Variants in SLC25A48 observed in about 807,000 individuals in gnomAD.
SLC25A48 encodes the protein CTC-321K16.1.
In SLC25A48, 29 loss-of-function variants were observed where a neutral mutation model predicts 32.2. That is an observed-to-expected ratio of 0.90 (90% CI 0.67 to 1.23). The LOEUF is 1.23. SLC25A48 is among the 50% of genes most tolerant of loss of function. The pLI, the probability that SLC25A48 is intolerant of heterozygous loss-of-function variation, is 0.00. For missense variants in SLC25A48, 399 were observed against 422.7 expected, an observed-to-expected ratio of 0.94 and a Z score of 0.49; for synonymous variants, 164 against 172.3, an observed-to-expected ratio of 0.95 and a Z score of 0.38.
intron 1 of SLC25A48, among the ~76,000 whole-genome samples, chr5:135,835,701 A>AAAAAAG (rs1228019655): frequency 2.0e-5 from 3 of 151,744 alleles, no homozygotes; most frequent in African/African-American, 7.3e-5. Flanking sequence ...AAAAAAAAAA[A>AAAAAAG]AAAGTCTTTC....
intron 3 of SLC25A48, among the ~76,000 whole-genome samples, chr5:135,706,168 A>G (rs531859335): frequency 6.6e-6 from 1 of 152,106 alleles, no homozygotes; most frequent in African/African-American, 2.4e-5. Flanking sequence ...TCTCCTGGCC[A>G]CTTCCTCCAA....
intron 1 of SLC25A48, among the ~76,000 whole-genome samples, chr5:135,591,316 G>T (rs1751521879): frequency 6.6e-6 from 1 of 152,258 alleles, no homozygotes; most frequent in African/African-American, 2.4e-5. Context: ...GCACAGAAGT[G>T]TGGCGCATTT....
At chr5:135,711,337 A>C (rs1754658071) in intron 3 of SLC25A48, among the ~76,000 whole-genome samples, 1 of 152,218 alleles carries the variant, frequency 6.6e-6, no homozygotes, top group South Asian at 2.1e-4. Flanking sequence ...CAACCAAGGC[A>C]CAAGAGGTGT....
At chr5:135,665,913 C>G (rs1561781740) in intron 3 of SLC25A48, among the ~76,000 whole-genome samples, 1 of 152,136 alleles carries the variant, frequency 6.6e-6, no homozygotes, top group East Asian at 1.9e-4. Context: ...CCTTTCATAG[C>G]TCTGCTCTGT....
In SLC25A48 at chr5:135,703,218, G is replaced by A. The variant is rs540864175; in HGVS notation, c.-521+68262G>A. Reference sequence around the variant, plus strand: ...TCTGAAATGTGGAGCTGCTCTGTGAGAACTCCACATTAGCTTCTGCAGAGG... The same window carrying A: ...TCTGAAATGTGGAGCTGCTCTGTGAAAACTCCACATTAGCTTCTGCAGAGG... On this transcript the variant is annotated intron_variant, in intron 3 of 10. Coordinates refer to the SLC25A48 transcript ENST00000646290. Among the ~76,000 whole-genome samples the A allele has an allele frequency of 1.8e-4, 27 of 152,298 alleles. No homozygotes were observed. The East Asian group carries it at 4.8e-3, about 27-fold the overall frequency.
At chr5:135,718,725 T>A (rs556756632) in intron 3 of SLC25A48, among the ~76,000 whole-genome samples, 1 of 152,246 alleles carries the variant, frequency 6.6e-6, no homozygotes, top group African/African-American at 2.4e-5. Context: ...CAGAGAATTA[T>A]GCTGCCTGAA....
chr5:135,867,835 C>G (rs569820844), intron 4 of SLC25A48, among the ~76,000 whole-genome samples: 19 of 152,178 alleles, frequency 1.2e-4, no homozygotes, highest in Admixed American at 2.6e-4. Context: ...TATGAATCAT[C>G]CATACCACTA....
chr5:135,760,911 A>G (rs962796690), intron 3 of SLC25A48, among the ~76,000 whole-genome samples: 1 of 152,240 alleles, frequency 6.6e-6, no homozygotes, highest in Non-Finnish European at 1.5e-5. Context: ...AGAGTATAAC[A>G]GTAAAGCAGA....
chr5:135,640,301 G>A (rs1013371505), intron 3 of SLC25A48, among the ~76,000 whole-genome samples: 5 of 152,158 alleles, frequency 3.3e-5, no homozygotes, highest in Non-Finnish European at 1.5e-5. Context: ...TAACATATGA[G>A]TAATTGGAGG....
At chr5:135,787,817 G>A (rs1756887482) in intron 3 of SLC25A48, among the ~76,000 whole-genome samples, 1 of 144,042 alleles carries the variant, frequency 6.9e-6, no homozygotes, top group African/African-American at 2.5e-5. Context: ...CACAGCTGGT[G>A]TACATTTTTT....
intron 3 of SLC25A48, among the ~76,000 whole-genome samples, chr5:135,799,332 T>C (rs1757263848): frequency 6.6e-6 from 1 of 151,634 alleles, no homozygotes; most frequent in South Asian, 2.1e-4. Context: ...TATTGTTCTC[T>C]ATATCCAGGG....
chr5:135,778,751 G>T (rs372238647), intron 3 of SLC25A48, among the ~76,000 whole-genome samples: 1 of 149,490 alleles, frequency 6.7e-6, no homozygotes, highest in Non-Finnish European at 1.5e-5. Flanking sequence ...CAATACTGCA[G>T]GGGATGTGCA....
intron 3 of SLC25A48, among the ~76,000 whole-genome samples, chr5:135,791,711 G>A (rs1757035468): frequency 6.6e-6 from 1 of 151,586 alleles, no homozygotes. Context: ...GGTACACACT[G>A]TGATATTATT....
intron 3 of SLC25A48, among the ~76,000 whole-genome samples, chr5:135,676,194 C>T (rs1753764897): frequency 6.6e-6 from 1 of 151,884 alleles, no homozygotes; most frequent in African/African-American, 2.4e-5. Context: ...ATTAATATTT[C>T]TTCTTGATCC....
intron 1 of SLC25A48, among the ~76,000 whole-genome samples, chr5:135,840,028 A>G (rs578007946): frequency 6.6e-6 from 1 of 152,338 alleles, no homozygotes; most frequent in African/African-American, 2.4e-5. Flanking sequence ...GCATGAGAAC[A>G]AACTAATACA....
intron 1 of SLC25A48, among the ~76,000 whole-genome samples, chr5:135,606,931 G>A (rs914826598): frequency 9.2e-5 from 14 of 152,152 alleles, no homozygotes; most frequent in Admixed American, 1.3e-4. Context: ...CCTTGCTGAC[G>A]AAACCCCTAA....
chr5:135,754,976 C>A (rs1022045113), intron 3 of SLC25A48, among the ~76,000 whole-genome samples: 3 of 151,820 alleles, frequency 2.0e-5, no homozygotes, highest in African/African-American at 7.3e-5. Context: ...TTTATAATAT[C>A]CAGTGTTTAC....
chr5:135,702,911 A>T (rs375449887), intron 3 of SLC25A48, among the ~76,000 whole-genome samples: 90 of 152,350 alleles, frequency 5.9e-4, no homozygotes, highest in African/African-American at 2.1e-3. Flanking sequence ...CAGGGCCAGA[A>T]TGGAGTCACA....
chr5:135,663,675 A>G (rs747551197), intron 3 of SLC25A48, among the ~76,000 whole-genome samples: 1 of 152,252 alleles, frequency 6.6e-6, no homozygotes, highest in Non-Finnish European at 1.5e-5. Flanking sequence ...GAACACAGCT[A>G]TGTAAACTGC....
Sources: gnomAD v4.1 joint callset for allele counts (sites outside exome capture counted in the v4.1 genomes callset) on GRCh38, gnomAD v4.1.1 for gene constraint, MANE v1.5 for transcripts, NCBI Gene and HGNC (gene_info 2026-07-23, HGNC 2026-07-21) for gene names.